The following TSPEAR variants were observed in gnomAD, a reference collection of about 807,000 sequenced individuals.
TSPEAR encodes the protein thrombospondin-type laminin G domain and EAR repeat-containing protein.
In TSPEAR, 69 loss-of-function variants were observed where a neutral mutation model predicts 71.6. The observed-to-expected ratio is 0.96, with a 90% CI of 0.79 to 1.18. The LOEUF (loss-of-function observed/expected upper bound fraction) is 1.18, where lower values mean the gene tolerates loss of function less well. Among genes scored for constraint, TSPEAR ranks in the 50% most tolerant of loss-of-function variants. The pLI is 0.00. For synonymous variants in TSPEAR, 402 were observed against 387.2 expected (o/e 1.04, Z -0.45); for missense variants, 971 against 894.9 (o/e 1.09, Z -1.09).
chr21:44,691,832 A>G (rs1987135288), intron 1 of TSPEAR, among the ~76,000 whole-genome samples: 1 of 152,248 alleles, frequency 6.6e-6, no homozygotes, highest in Non-Finnish European at 1.5e-5. Flanking sequence ...AGAAAAAAAT[A>G]GAAGGATCAC....
intron 1 of TSPEAR, chr21:44,646,307 G>C (rs1984353794): frequency 4.4e-6 from 5 of 1,124,742 alleles, no homozygotes; most frequent in East Asian, 5.1e-5. Context: ...ACACCAACAA[G>C]GAAGAAAAGC....
rs782020384 is a variant in TSPEAR, at chr21:44,627,719, G to C, written c.83-59714C>G. 3.8e-6 allele frequency: 6 copies of C among 1,594,936 alleles called. No homozygotes were observed. In the African/African-American group the frequency reaches 6.7e-5, roughly 18 times the overall value. ...TCCTCCCCCTGCCAGCAGTCCTACT[G>C]TGTGCCTGTCTGCTGTAAGCCTGTC... On this transcript the variant is annotated intron_variant, in intron 1 of 11. Coordinates refer to ENST00000323084, the MANE Select transcript of TSPEAR (RefSeq NM_144991.3).
In TSPEAR at chr21:44,676,796, C is replaced by G. The variant is rs1388509117; in HGVS notation, c.82+34637G>C. 5.5e-6 allele frequency: 5 copies of G among 906,544 alleles called. No homozygotes were observed. The African/African-American group carries it at 8.0e-5, about 15-fold the overall frequency. 56.2% of individuals were successfully genotyped at this position (906,544 alleles called of 1,614,324 possible). ...CCATGATGTTCTAATGCTTTTGCTA[C>G]TACAGAGTCAAATGCCCACTTTTCT... On this transcript the variant is annotated intron_variant, in intron 1 of 11. Coordinates refer to ENST00000323084, the MANE Select transcript of TSPEAR (RefSeq NM_144991.3).
chr21:44,647,121 C>T (rs1035288148), intron 1 of TSPEAR: 16 of 1,614,068 alleles, frequency 9.9e-6, no homozygotes, highest in Non-Finnish European at 1.4e-5. Flanking sequence ...AGCCTAGCTG[C>T]CAGCCAGCTT....
chr21:44,528,591 G>A lies in TSPEAR; in HGVS notation c.791-8C>T, dbSNP rs1282469340. 8 of 1,613,024 alleles carry A rather than the reference G, an allele frequency of 5.0e-6. No individual in the cohort carries two copies. The highest frequency in any genetic ancestry group is 6.8e-6 in the Non-Finnish European group (8 of 1,179,550). ...TCACTCGAATGTTGGTTTCTGAGGG[G>A]AAGACCAGGAAGATGAGTTTCCAGC... On this transcript the variant is annotated splice_region_variant and splice_polypyrimidine_tract_variant and intron_variant, in intron 5 of 11. Coordinates refer to ENST00000323084, the MANE Select transcript of TSPEAR (RefSeq NM_144991.3).
At chr21:44,688,602 C>T (rs966318746) in intron 1 of TSPEAR, among the ~76,000 whole-genome samples, 1 of 152,006 alleles carries the variant, frequency 6.6e-6, no homozygotes, top group Non-Finnish European at 1.5e-5. Context: ...CGCCTGTAGT[C>T]CCAGCTAGTC....
intron 2 of TSPEAR, chr21:44,539,955 G>C (rs782816698): frequency 1.7e-5 from 28 of 1,612,912 alleles, no homozygotes; most frequent in Admixed American, 1.7e-4. Context: ...GATTGGCAGG[G>C]GCTGGGCTCA....
intron 1 of TSPEAR, among the ~76,000 whole-genome samples, chr21:44,708,182 C>T (rs1988039003): frequency 6.6e-6 from 1 of 152,128 alleles, no homozygotes; most frequent in Admixed American, 6.5e-5. Flanking sequence ...CAGATCCCTC[C>T]CCCAGCCCCC....
intron 1 of TSPEAR, among the ~76,000 whole-genome samples, chr21:44,696,840 G>A (rs888074124): frequency 6.6e-6 from 1 of 152,110 alleles, no homozygotes; most frequent in Non-Finnish European, 1.5e-5. Context: ...TGACACCTGG[G>A]GAGCTTCAGG....
At chr21:44,675,973 C>A (rs1478743061) in intron 1 of TSPEAR, 1 of 821,288 alleles carries the variant, frequency 1.2e-6, no homozygotes, top group East Asian at 2.4e-5. Flanking sequence ...CTTCCTTCAG[C>A]CAGTCTTGTG....
intron 2 of TSPEAR, among the ~76,000 whole-genome samples, chr21:44,560,913 A>G (rs1404646168): frequency 1.3e-5 from 2 of 152,210 alleles, no homozygotes; most frequent in Admixed American, 1.3e-4. Context: ...TAACATCACA[A>G]TTAAAAGAAC....
At chr21:44,676,609 T>C (rs1312532394) in intron 1 of TSPEAR, 3 of 746,732 alleles carry the variant, frequency 4.0e-6, no homozygotes, top group Non-Finnish European at 7.5e-6. Context: ...AGACAGGTTC[T>C]GCTCAAATTC....
chr21:44,635,046 T>C (rs1298997315), intron 1 of TSPEAR, among the ~76,000 whole-genome samples: 1 of 152,148 alleles, frequency 6.6e-6, no homozygotes, highest in Non-Finnish European at 1.5e-5. Context: ...CAGAAACATG[T>C]ACAAGAATGT....
intron 2 of TSPEAR, among the ~76,000 whole-genome samples, chr21:44,564,702 G>A (rs183984783): frequency 1.0e-3 from 153 of 152,236 alleles, no homozygotes; most frequent in African/African-American, 3.5e-3. Context: ...GTTCAACACC[G>A]TAATTTCAAC....
At chr21:44,668,360 A>G (rs1225159436) in intron 1 of TSPEAR, among the ~76,000 whole-genome samples, 1 of 152,244 alleles carries the variant, frequency 6.6e-6, no homozygotes, top group Non-Finnish European at 1.5e-5. Context: ...ATAATTGTGT[A>G]ACAAAAACTA....
intron 1 of TSPEAR, among the ~76,000 whole-genome samples, chr21:44,689,522 C>T (rs1555949441): frequency 6.6e-6 from 1 of 150,404 alleles, no homozygotes; most frequent in Non-Finnish European, 1.5e-5. Flanking sequence ...AAAAAAAGTC[C>T]TAAATACACT....
intron 9 of TSPEAR, among the ~76,000 whole-genome samples, chr21:44,510,381 G>A (rs1601329141): frequency 6.6e-6 from 1 of 152,344 alleles, no homozygotes; most frequent in Admixed American, 6.5e-5. Flanking sequence ...TGCACCACCG[G>A]GCCAGGTAAG....
At chr21:44,542,805 CAAGA>C (rs1424699371) in intron 2 of TSPEAR, among the ~76,000 whole-genome samples, 2 of 146,234 alleles carry the variant, frequency 1.4e-5, no homozygotes, top group African/African-American at 5.0e-5. Flanking sequence ...CCCTCCAAAC[CAAGA>C]ATCTTTAGCA....
intron 1 of TSPEAR, chr21:44,698,004 T>C: frequency 6.4e-7 from 1 of 1,554,666 alleles, no homozygotes; most frequent in South Asian, 1.2e-5. Context: ...CTGGGCACTA[T>C]GAGTCCCCCA....
Sources: gnomAD v4.1 joint callset for allele counts (sites outside exome capture counted in the v4.1 genomes callset) on GRCh38, gnomAD v4.1.1 for gene constraint, MANE v1.5 for transcripts, NCBI Gene and HGNC (gene_info 2026-07-23, HGNC 2026-07-21) for gene names.